Variants in ANKFN1 observed in about 807,000 individuals in gnomAD.
ANKFN1 encodes the protein ankyrin repeat and fibronectin type-III domain-containing protein 1.
Under a neutral mutation model 108.7 loss-of-function variants are expected in ANKFN1, and 74 were observed. That is an observed-to-expected ratio of 0.68 (90% CI 0.56 to 0.83). The LOEUF (loss-of-function observed/expected upper bound fraction) is 0.83, where lower values mean the gene tolerates loss of function less well. Among genes scored for constraint, ANKFN1 ranks in the 40% least tolerant of loss-of-function variants. The pLI is 0.00. For synonymous variants in ANKFN1, 547 were observed against 516.2 expected, an observed-to-expected ratio of 1.06 and a Z score of -0.81; for missense variants, 1,505 against 1,382.3, an observed-to-expected ratio of 1.09 and a Z score of -1.41.
At chr17:56,463,932 C>G (rs1271258061) in intron 14 of ANKFN1, 2 of 152,078 alleles carry the variant, frequency 1.3e-5, no homozygotes, top group African/African-American at 4.8e-5. Context: ...TATTGACAGC[C>G]CTGTGATTTG....
chr17:56,244,638 G>C (rs1917829279), intron 3 of ANKFN1, among the ~76,000 whole-genome samples: 1 of 152,220 alleles, frequency 6.6e-6, no homozygotes, highest in East Asian at 1.9e-4. Context: ...ATCCAGGCAG[G>C]CTGCATATAG....
Position 56,091,215 on chromosome 17 carries a change from T to C in ANKFN1, c.288+44890T>C, listed in dbSNP as rs1308425744. On this transcript the variant is annotated intron_variant, in intron 4 of 12. Transcript: ENST00000635860. ...TCCTATACCAACCCAGCAAAGAAGT[T>C]GGTAAATGGTTCAACAAAAATGACA... Among the ~76,000 whole-genome samples the C allele has an allele frequency of 4.6e-5, 7 of 151,004 alleles. 1 individual carries two copies. Among genetic ancestry groups the C allele is most frequent in the African/African-American group, 1.7e-4 (7 of 41,114 alleles).
chr17:56,318,361 C>A (rs2045268297), intron 3 of ANKFN1, among the ~76,000 whole-genome samples: 1 of 152,118 alleles, frequency 6.6e-6, no homozygotes, highest in Non-Finnish European at 1.5e-5. Flanking sequence ...CAAAGCTGCC[C>A]TTTTCCTTAA....
intron 1 of ANKFN1, 46 bp downstream of exon 1, chr17:56,153,576 C>T (rs779075053): frequency 6.2e-7 from 1 of 1,610,326 alleles, no homozygotes. Context: ...TGTTTGGAGG[C>T]CATTGTTTTG....
rs1169734126 is a variant in ANKFN1 at position 56,356,781 on chromosome 17, G to T, written c.601+2735G>T. Reference sequence around the variant, plus strand: ...AGAAGGGTGGAGAGAGAATCAGAGGGTCTGAACATGGAGAATGCAGACTGA... The same window carrying T: ...AGAAGGGTGGAGAGAGAATCAGAGGTTCTGAACATGGAGAATGCAGACTGA... On this transcript the variant is annotated intron_variant, in intron 6 of 20. Coordinates refer to ENST00000682825, the MANE Select transcript of ANKFN1 (RefSeq NM_001370326.1). Among the ~76,000 whole-genome samples, 3 of 152,110 alleles carry T rather than the reference G, an allele frequency of 2.0e-5. 1 individual carries two copies. In the East Asian group the frequency reaches 5.8e-4, roughly 29 times the overall value.
At chr17:56,376,214 G>A (rs1334339951) in intron 8 of ANKFN1, among the ~76,000 whole-genome samples, 2 of 152,118 alleles carry the variant, frequency 1.3e-5, no homozygotes, top group Non-Finnish European at 1.5e-5. Context: ...ATATGTCTCT[G>A]CAAACTTTAC....
At chr17:56,397,889 G>A (rs1263393843) in intron 8 of ANKFN1, among the ~76,000 whole-genome samples, 1 of 152,128 alleles carries the variant, frequency 6.6e-6, no homozygotes, top group Non-Finnish European at 1.5e-5. Flanking sequence ...GAAGAAATTA[G>A]GGAATAAGAT....
At chr17:56,176,715 G>A (rs1911191346) in intron 1 of ANKFN1, among the ~76,000 whole-genome samples, 1 of 152,196 alleles carries the variant, frequency 6.6e-6, no homozygotes, top group Non-Finnish European at 1.5e-5. Flanking sequence ...TGTCTTGTAT[G>A]TAGGAAAACA....
At chr17:56,379,889 T>A (rs1357932986) in intron 8 of ANKFN1, among the ~76,000 whole-genome samples, 2 of 152,250 alleles carry the variant, frequency 1.3e-5, no homozygotes, top group Non-Finnish European at 2.9e-5. Context: ...TGTGTTACTA[T>A]CATAATACCA....
chr17:56,402,167 G>A (rs2047783643), intron 8 of ANKFN1, among the ~76,000 whole-genome samples: 2 of 152,008 alleles, frequency 1.3e-5, no homozygotes, highest in South Asian at 4.1e-4. Context: ...TTTTGGTTAT[G>A]TCCTTTCCTG....
intron 4 of ANKFN1, among the ~76,000 whole-genome samples, chr17:56,061,790 T>C (rs1310346943): frequency 6.6e-6 from 1 of 152,172 alleles, no homozygotes; most frequent in Non-Finnish European, 1.5e-5. Context: ...AGCTTTTGGA[T>C]AGTTTGCTCT....
chr17:56,435,689 A>T (rs1461396719), intron 8 of ANKFN1, among the ~76,000 whole-genome samples: 1 of 152,028 alleles, frequency 6.6e-6, no homozygotes, highest in Non-Finnish European at 1.5e-5. Context: ...AAACAACTCT[A>T]GGCTTTGAGG....
intron 3 of ANKFN1, among the ~76,000 whole-genome samples, chr17:56,272,262 A>C (rs1297443467): frequency 6.6e-6 from 1 of 152,178 alleles, no homozygotes; most frequent in Non-Finnish European, 1.5e-5. Flanking sequence ...AACTATTTTC[A>C]TCTTGCAAAA....
At chr17:56,240,983 T>C (rs927174155) in intron 3 of ANKFN1, among the ~76,000 whole-genome samples, 3 of 152,128 alleles carry the variant, frequency 2.0e-5, no homozygotes, top group African/African-American at 7.2e-5. Context: ...TAACTTTTTG[T>C]AGAATAATTT....
At chr17:56,355,739 G>T (rs1399618398) in intron 6 of ANKFN1, among the ~76,000 whole-genome samples, 1 of 152,146 alleles carries the variant, frequency 6.6e-6, no homozygotes, top group Non-Finnish European at 1.5e-5. Flanking sequence ...TAACATCACA[G>T]TGATGTTGAG....
intron 4 of ANKFN1, among the ~76,000 whole-genome samples, chr17:56,094,368 C>A (rs776966099): frequency 6.0e-5 from 9 of 149,130 alleles, no homozygotes; most frequent in Non-Finnish European, 8.9e-5. Context: ...GCATAATTTT[C>A]AACATAATTT....
At position 56,456,814 on chromosome 17, in the gene ANKFN1, G is replaced by T. The variant is rs545408121; in HGVS notation, c.1208-47G>T. 2.7e-6 allele frequency: 4 copies of T among 1,508,858 alleles called. No homozygotes were observed. In the South Asian group the frequency reaches 4.5e-5, roughly 17 times the overall value. The allele number at this position is 1,508,858 out of a possible 1,614,324, so 93.5% of individuals were successfully genotyped here. On this transcript the variant is annotated intron_variant, in intron 11 of 20. Transcript: ENST00000682825. ...GTAGGAAAATGGAATTGGGGGTGTT[G>T]ATCTGCCCAGTGGAATTTATACTGT...
chr17:56,099,728 T>C (rs1455145337), intron 4 of ANKFN1, among the ~76,000 whole-genome samples: 1 of 152,234 alleles, frequency 6.6e-6, no homozygotes, highest in African/African-American at 2.4e-5. Flanking sequence ...AAAGAAAGTC[T>C]GTTCTTCATT....
intron 8 of ANKFN1, among the ~76,000 whole-genome samples, chr17:56,437,611 T>C (rs1049176683): frequency 9.9e-5 from 15 of 152,228 alleles, no homozygotes; most frequent in African/African-American, 3.4e-4. Flanking sequence ...TACTCAAGCA[T>C]ACCGTTTTTC....
Sources: allele counts gnomAD v4.1 joint callset (sites outside exome capture counted in the v4.1 genomes callset), GRCh38; gene constraint gnomAD v4.1.1; transcripts MANE v1.5; gene names NCBI Gene and HGNC (gene_info 2026-07-23, HGNC 2026-07-21).